Variants in MAP4K5 observed in about 807,000 individuals in gnomAD.
MAP4K5 encodes MAPK/ERK kinase kinase kinase 5.
In MAP4K5, 82 loss-of-function variants were observed where a neutral mutation model predicts 135.6. That is an observed-to-expected ratio of 0.60 (90% CI 0.51 to 0.73). MAP4K5 has a LOEUF of 0.73. Ranked by LOEUF, MAP4K5 falls within the 30% of genes least tolerant of loss-of-function variation. MAP4K5 has a pLI of 0.00. For synonymous variants in MAP4K5, 347 were observed against 335.0 expected (o/e 1.04, Z -0.39); for missense variants, 907 against 1,010.9 (o/e 0.90, Z 1.39).
chr14:50,523,559 G>T (rs547725285), intron 2 of MAP4K5, among the ~76,000 whole-genome samples: 19 of 152,242 alleles, frequency 1.2e-4, no homozygotes, highest in African/African-American at 4.6e-4. Flanking sequence ...CCTTTTCAAT[G>T]AGGCCTACCC....
At chr14:50,461,772 A>C (rs2036716655) in intron 13 of MAP4K5, among the ~76,000 whole-genome samples, 1 of 152,130 alleles carries the variant, frequency 6.6e-6, no homozygotes, top group African/African-American at 2.4e-5. Context: ...TACAAAAATT[A>C]GCCGAGCGTG....
At position 50,456,581 on chromosome 14, in the gene MAP4K5, A is replaced by C. The variant is rs771113411; in HGVS notation, c.950T>G (p.Ile317Ser). The C allele has an allele frequency of 6.4e-7, 1 of 1,571,966 alleles. No homozygotes were observed. The highest frequency in any genetic ancestry group is 2.3e-5 in the East Asian group (1 of 43,064). Residue 317 changes from isoleucine to serine, a missense_variant, in exon 14 of 33, where the codon ATT becomes AGT. Transcript: ENST00000682126. ...GTTTGTAGATCTAATGGTATGACGAATGATTGCATGGGGCTGTGAATATAA... is the reference window on the plus strand; with the variant it reads ...GTTTGTAGATCTAATGGTATGACGACTGATTGCATGGGGCTGTGAATATAA... ...DDDDFEPHAI[I>S]RHTIRSTNRN...
intron 3 of MAP4K5, among the ~76,000 whole-genome samples, chr14:50,492,332 G>A (rs542122787): frequency 1.3e-5 from 2 of 152,036 alleles, no homozygotes; most frequent in African/African-American, 2.4e-5. Context: ...AGAGGCTCAC[G>A]CATAATCCCA....
chr14:50,511,689 TGTCA>T (rs2037932901), intron 2 of MAP4K5, among the ~76,000 whole-genome samples: 1 of 152,156 alleles, frequency 6.6e-6, no homozygotes, highest in Admixed American at 6.5e-5. Flanking sequence ...TATGTACAAC[TGTCA>T]ATTTTTTTAA....
chr14:50,545,343 A>G (rs2038617266), intron 1 of MAP4K5, among the ~76,000 whole-genome samples: 1 of 152,186 alleles, frequency 6.6e-6, no homozygotes, highest in South Asian at 2.1e-4. Context: ...CCATTATTCT[A>G]TAAAATCCTG....
chr14:50,530,166 G>A (rs1248268491), intron 2 of MAP4K5, among the ~76,000 whole-genome samples: 1 of 152,182 alleles, frequency 6.6e-6, no homozygotes, highest in Non-Finnish European at 1.5e-5. Context: ...GGGACCATGT[G>A]TTAAGGGGTG....
intron 6 of MAP4K5, among the ~76,000 whole-genome samples, chr14:50,479,834 C>CT (rs1453364357): frequency 6.6e-6 from 1 of 152,220 alleles, no homozygotes; most frequent in East Asian, 1.9e-4. Flanking sequence ...CTTAAATACT[C>CT]TAACTGGCTT....
chr14:50,421,557 C>T (rs992434399), intron 32 of MAP4K5, among the ~76,000 whole-genome samples: 7 of 151,486 alleles, frequency 4.6e-5, no homozygotes, highest in Non-Finnish European at 8.8e-5. Context: ...TCACCGCGCC[C>T]GGCAACAAAA....
chr14:50,492,558 C>T (rs1285426546), intron 3 of MAP4K5, among the ~76,000 whole-genome samples: 2 of 147,594 alleles, frequency 1.4e-5, no homozygotes, highest in Non-Finnish European at 3.0e-5. Context: ...CACCACTGCA[C>T]TCCAGCCTGG....
chr14:50,535,318 A>G (rs2038477970), upstream of MAP4K5, among the ~76,000 whole-genome samples: 1 of 152,264 alleles, frequency 6.6e-6, no homozygotes, highest in Admixed American at 6.5e-5. Flanking sequence ...GCTAAGGTTC[A>G]CAATTTATTA....
upstream of MAP4K5, among the ~76,000 whole-genome samples, chr14:50,534,123 GA>G: frequency 6.6e-6 from 1 of 152,252 alleles, no homozygotes; most frequent in East Asian, 1.9e-4. Flanking sequence ...ATTCATTTGA[GA>G]TTTTTTTCCT....
rs2140130116 is a variant in MAP4K5 at position 50,532,067 on chromosome 14, C to G, written c.-18G>C. The G allele has an allele frequency of 1.2e-5, 17 of 1,474,480 alleles. No homozygotes were observed. Among genetic ancestry groups the G allele is most frequent in the Non-Finnish European group, 1.5e-5 (16 of 1,082,576 alleles). 91.3% of individuals were successfully genotyped at this position (1,474,480 alleles called of 1,614,324 possible). On this transcript the variant is annotated 5_prime_UTR_variant, in exon 2 of 33. Coordinates refer to ENST00000682126, the MANE Select transcript of MAP4K5 (RefSeq NM_006575.6). ...GCCTCCATCTTCACTTAGGGCCCGG[C>G]CCCCGCCAGCTCACCCCGCGGCTCC... is the stretch of plus-strand genomic sequence containing the variant.
intron 1 of MAP4K5, among the ~76,000 whole-genome samples, chr14:50,549,546 C>A (rs1318143728): frequency 6.6e-6 from 1 of 152,202 alleles, no homozygotes; most frequent in African/African-American, 2.4e-5. Context: ...GGGGCTACTA[C>A]TACACAACAA....
chr14:50,482,395 A>C lies in MAP4K5; in HGVS notation c.344T>G (p.Leu115Trp). Residue 115 changes from leucine (L) to tryptophan (W), a missense_variant, in exon 6 of 33, where the codon TTG becomes TGG. By Grantham distance (61) the Leu-to-Trp change is moderately conservative (BLOSUM62 -2). Coordinates refer to ENST00000682126, the MANE Select transcript of MAP4K5 (RefSeq NM_006575.6). ...TTCTCTGCATACATAGGCTATTTGC[A>C]ATTCTGATAATGGTCCAGTAACTAG... ...IYHVTGPLSE[L>W]QIAYVCRETL... The C allele has an allele frequency of 6.5e-7, 1 of 1,532,442 alleles. No individual in the cohort carries two copies. 94.9% of individuals were successfully genotyped at this position (1,532,442 alleles called of 1,614,324 possible).
At chr14:50,439,683 T>C (rs2036181303) in intron 23 of MAP4K5, among the ~76,000 whole-genome samples, 1 of 152,164 alleles carries the variant, frequency 6.6e-6, no homozygotes, top group Non-Finnish European at 1.5e-5. Context: ...CCTCTGCTTC[T>C]TTCCTGTTAA....
intron 14 of MAP4K5, among the ~76,000 whole-genome samples, chr14:50,453,416 T>C (rs2036534483): frequency 1.3e-5 from 2 of 151,966 alleles, no homozygotes; most frequent in East Asian, 3.8e-4. Flanking sequence ...CAAGAAACAA[T>C]GTTTCTCCCA....
intron 2 of MAP4K5, among the ~76,000 whole-genome samples, chr14:50,542,344 A>G (rs1475443875): frequency 6.6e-6 from 1 of 152,138 alleles, no homozygotes; most frequent in Non-Finnish European, 1.5e-5. Context: ...CCTAATGCAT[A>G]CGGGACTTAA....
At position 50,560,937 on chromosome 14, in the gene MAP4K5, G is replaced by A. The variant is rs192972927; in HGVS notation, c.-180+103C>T. On this transcript the variant is annotated intron_variant, in intron 1 of 8. Transcript: ENST00000555216. ...ATTTGGGGGTTGGGTGGGGGAATTG[G>A]GGAAGAAGGAGAGCAAAGTTGTGGT... 3.4e-3 allele frequency: 523 copies of A among 153,342 alleles called. 3 individuals are homozygous for A. Among genetic ancestry groups the A allele is most frequent in the Admixed American group, 0.011 (166 of 15,328 alleles). 9.5% of individuals were successfully genotyped at this position (153,342 alleles called of 1,614,324 possible).
At chr14:50,429,331 TG>T (rs143057542) in intron 28 of MAP4K5, 71 bp from the exon 29 acceptor site, 12,668 of 878,444 alleles carry the variant, frequency 0.014, 128 homozygotes, top group Non-Finnish European at 0.017. Context: ...ACATAAATTC[TG>T]ACTTTTGCTG....
Sources: gnomAD v4.1 joint callset for allele counts (sites outside exome capture counted in the v4.1 genomes callset) on GRCh38, gnomAD v4.1.1 for gene constraint, MANE v1.5 for transcripts, NCBI Gene and HGNC (gene_info 2026-07-23, HGNC 2026-07-21) for gene names.